The following HK3 variants were observed in gnomAD, a reference collection of about 807,000 sequenced individuals.
HK3 encodes hexokinase 3, also known as hexokinase-3.
Under a neutral mutation model 91.0 loss-of-function variants are expected in HK3, and 93 were observed. The observed-to-expected ratio is 1.02, with a 90% CI of 0.86 to 1.21. The LOEUF (loss-of-function observed/expected upper bound fraction) is 1.21. HK3 is among the 50% of genes most tolerant of loss of function. HK3 has a pLI of 0.00. For synonymous variants in HK3, 519 were observed against 516.9 expected (o/e 1.00, Z -0.06); for missense variants, 1,235 against 1,247.4 (o/e 0.99, Z 0.15).
At position 176,887,401 on chromosome 5, in the gene HK3, G is replaced by T. The variant is rs749486570; in HGVS notation, c.1600+50C>A. On this transcript the variant is annotated intron_variant, in intron 11 of 18. Transcript: ENST00000292432. This position sits in a 1 kb window ranked among gnomAD's most constrained non-coding sequence, Gnocchi z 4.9. The stretch of plus-strand genomic sequence containing the variant: ...GTGGCTCCAGCCCCAGCACACACTG[G>T]GACCCCCAGGAGCCCATGTTTCGGT... 5.6e-6 allele frequency: 9 copies of T among 1,613,044 alleles called. 1 individual carries two copies. The South Asian group carries it at 8.8e-5, about 16-fold the overall frequency.
At chr5:176,882,782 C>T (rs949706965) in intron 15 of HK3, among the ~76,000 whole-genome samples, 3 of 152,186 alleles carry the variant, frequency 2.0e-5, no homozygotes, top group Non-Finnish European at 4.4e-5. Context: ...GAGGGCGTCT[C>T]CTTCCTTTCT....
intron 1 of HK3, 98 bp from the exon 2 acceptor site, chr5:176,896,283 G>GTTTTTT: frequency 1.8e-6 from 1 of 550,656 alleles, no homozygotes; most frequent in Non-Finnish European, 3.2e-6. Context: ...AGGGGACCAG[G>GTTTTTT]AAGGAAGCTG....
At chr5:176,898,304 G>A (rs926356562) in intron 1 of HK3, among the ~76,000 whole-genome samples, 3 of 152,196 alleles carry the variant, frequency 2.0e-5, no homozygotes, top group African/African-American at 7.2e-5. Flanking sequence ...CAAGGGGAGT[G>A]GGTAGTTTTT....
In HK3 at chr5:176,890,877, C is replaced by A. The variant is rs1489665673; in HGVS notation, c.479G>T (p.Gly160Val). 1.6e-5 allele frequency: 26 copies of A among 1,614,120 alleles called. No individual in the cohort carries two copies. Among genetic ancestry groups the A allele is most frequent in the Non-Finnish European group, 2.1e-5 (25 of 1,180,040 alleles). ...FLDAQPVNKQGLQLGFSFSFP... is the reference protein window; with the variant it reads ...FLDAQPVNKQVLQLGFSFSFP... Reference sequence around the variant, plus strand: ...AGAGAAGCTGAAGCCAAGCTGCAGACCCTGTTTGTTCACAGGCTGCGCATC... The same window carrying A: ...AGAGAAGCTGAAGCCAAGCTGCAGAACCTGTTTGTTCACAGGCTGCGCATC... Residue 160 changes from glycine (G) to valine (V), a missense_variant, in exon 5 of 19, where the codon GGT becomes GTT. Gly to Val is a moderately radical substitution (Grantham distance 109). This residue lies in a region of HK3 where 717 missense variants were observed against 751.6 expected (regional missense o/e 0.95). Coordinates refer to ENST00000292432, the MANE Select transcript of HK3 (RefSeq NM_002115.3).
rs764987916 is a variant in HK3, at chr5:176,889,541, T to C, written c.754A>G (p.Met252Val). 2 of 1,614,150 alleles carry C rather than the reference T, an allele frequency of 1.2e-6. No homozygotes were observed. Among genetic ancestry groups the C allele is most frequent in the African/African-American group, 1.3e-5 (1 of 75,064 alleles). The change falls in exon 8 of 19, where the codon ATG becomes GTG. Residue 252 changes from methionine to valine, a missense_variant. This residue lies in a region of HK3 where 717 missense variants were observed against 751.6 expected (regional missense o/e 0.95). Coordinates refer to ENST00000292432, the MANE Select transcript of HK3 (RefSeq NM_002115.3). ...VVDTGTNACY[M>V]EEARHVAVLD... ...ACTGCCACATGCCGTGCCTCCTCCA[T>C]GTAACACGCGTTGGTGCCCGTGTCT...
chr5:176,881,454 C>G lies in HK3; in HGVS notation c.2475G>C (p.Val825=). 1.2e-6 allele frequency: 2 copies of G among 1,610,048 alleles called. No individual in the cohort carries two copies. Among genetic ancestry groups the G allele is most frequent in the Middle Eastern group, 3.3e-4 (2 of 6,062 alleles). ...LPLTSDDALM[V]LEVCQAVSQR... ...GGGACACAGCCTGGCACACCTCTAGCACCATCAGGGCGTCATCTGAGGTCA... is the reference window on the plus strand; with the variant it reads ...GGGACACAGCCTGGCACACCTCTAGGACCATCAGGGCGTCATCTGAGGTCA... The change falls in exon 18 of 19, where the codon GTG becomes GTC. Residue 825 remains valine, a synonymous_variant. Transcript: ENST00000292432.
Position 176,887,058 on chromosome 5 carries a change from T to C in HK3, c.1801A>G (p.Ser601Gly), listed in dbSNP as rs1184855059. The C allele has an allele frequency of 6.2e-7, 1 of 1,614,074 alleles. No homozygotes were observed. Among genetic ancestry groups the C allele is most frequent in the Non-Finnish European group, 8.5e-7 (1 of 1,180,042 alleles). ...GAGAAGGTAAAACCCAGTGGGAGGC[T>C]CTGCCCGCTCAGGCCCTGCTTCTGC... ...FQQKQGLSGQ[S>G]LPLGFTFSFP... The change falls in exon 13 of 19, where the codon AGC (serine) becomes GGC (glycine). Residue 601 changes from serine to glycine, a missense_variant. Around this residue, in one of 3 missense-constraint regions of HK3, gnomAD observed 513 missense variants for 477.4 expected, o/e 1.07. Coordinates refer to ENST00000292432, the MANE Select transcript of HK3 (RefSeq NM_002115.3). The surrounding 1 kb of genome is among the most constrained non-coding windows in gnomAD (Gnocchi z 4.9).
At position 176,881,198 on chromosome 5, in the gene HK3, C is replaced by T. The variant is rs925094118; in HGVS notation, c.2647G>A (p.Ala883Thr). The T allele has an allele frequency of 1.2e-6, 2 of 1,613,148 alleles. No homozygotes were observed. Among genetic ancestry groups the T allele is most frequent in the Non-Finnish European group, 8.5e-7 (1 of 1,179,936 alleles). The change falls in exon 19 of 19, where the codon GCC (alanine) becomes ACC (threonine). Residue 883 changes from alanine (A) to threonine (T), a missense_variant. Transcript: ENST00000292432. ...CGAGGGGCCAGCTCCCGCACTGTGGCCGCCACCAGGCTGGAGAAGCTGTGA... is the reference window on the plus strand; with the variant it reads ...CGAGGGGCCAGCTCCCGCACTGTGGTCGCCACCAGGCTGGAGAAGCTGTGA... Reference protein sequence around the residue: ...LHPRFSSLVAATVRELAPRCV... With the variant: ...LHPRFSSLVATTVRELAPRCV...
rs755973686 is a variant in HK3, at chr5:176,883,911, C to T, written c.1954-42G>A. 4.8e-5 allele frequency: 77 copies of T among 1,599,564 alleles called. No homozygotes were observed. The Middle Eastern group carries it at 8.2e-4, about 17-fold the overall frequency. On this transcript the variant is annotated intron_variant, in intron 14 of 18. Transcript: ENST00000292432. ...GCTGCTAGTTGCTGGGCAACGCGGTCGTCACAGCAACCAGCACTGGACCCA... is the reference window on the plus strand; with the variant it reads ...GCTGCTAGTTGCTGGGCAACGCGGTTGTCACAGCAACCAGCACTGGACCCA...
chr5:176,895,752 C>T (rs964607486), intron 2 of HK3, among the ~76,000 whole-genome samples: 9 of 152,148 alleles, frequency 5.9e-5, no homozygotes, highest in South Asian at 2.1e-4. Context: ...CCACTTGGGG[C>T]GGGAGCGGCA....
intron 2 of HK3, among the ~76,000 whole-genome samples, chr5:176,895,764 CT>C (rs781105838): frequency 1.3e-5 from 2 of 152,176 alleles, no homozygotes; most frequent in Non-Finnish European, 2.9e-5. Context: ...GGAGCGGCAC[CT>C]GTGTGGCAAG....
At chr5:176,892,056 T>C (rs1758791801) in intron 2 of HK3, among the ~76,000 whole-genome samples, 1 of 152,168 alleles carries the variant, frequency 6.6e-6, no homozygotes, top group South Asian at 2.1e-4. Flanking sequence ...TGGTCCTTTT[T>C]TCAGTCAGTC....
intron 2 of HK3, among the ~76,000 whole-genome samples, chr5:176,893,035 T>G (rs1758817093): frequency 6.6e-6 from 1 of 152,160 alleles, no homozygotes; most frequent in African/African-American, 2.4e-5. Context: ...AGACCCTGTT[T>G]GCTCACAGGC....
intron 8 of HK3, 56 bp from the exon 9 acceptor site, chr5:176,888,920 G>A (rs1758682558): frequency 5.7e-6 from 9 of 1,574,290 alleles, no homozygotes; most frequent in Non-Finnish European, 6.9e-6. Flanking sequence ...AGTCCACCTG[G>A]CCCTACCTCC....
intron 13 of HK3, among the ~76,000 whole-genome samples, chr5:176,885,290 G>A (rs1163027105): frequency 1.3e-5 from 2 of 152,316 alleles, no homozygotes; most frequent in East Asian, 3.9e-4. Context: ...CAAAGAGCAG[G>A]GCCCGGGGCA....
Position 176,890,880 on chromosome 5 carries a change from T to G in HK3, c.476A>C (p.Gln159Pro), listed in dbSNP as rs1445073929. 8 of 1,614,098 alleles carry G rather than the reference T, an allele frequency of 5.0e-6. No homozygotes were observed. The African/African-American group carries it at 5.3e-5, about 11-fold the overall frequency. The change falls in exon 5 of 19, where the codon CAG becomes CCG. Residue 159 changes from glutamine to proline, a missense_variant. Gln to Pro is a moderately conservative substitution (Grantham distance 76, BLOSUM62 -1). Transcript: ENST00000292432. The part of the protein sequence containing the change: ...EFLDAQPVNK[Q>P]GLQLGFSFSF... ...GAAGCTGAAGCCAAGCTGCAGACCC[T>G]GTTTGTTCACAGGCTGCGCATCCAG... is the stretch of plus-strand genomic sequence containing the variant.
Position 176,881,088 on chromosome 5 carries a change from C to A in HK3, c.2757G>T (p.Gln919His). 3 of 1,605,042 alleles carry A rather than the reference C, an allele frequency of 1.9e-6. No homozygotes were observed. The highest frequency in any genetic ancestry group is 2.6e-6 in the Non-Finnish European group (3 of 1,175,770). The change falls in exon 19 of 19, where the codon CAG (glutamine) becomes CAT (histidine). Residue 919 changes from glutamine (Q) to histidine (H), a missense_variant. Gln to His is a conservative substitution (Grantham distance 24, BLOSUM62 0). This residue lies in a region of HK3 where 513 missense variants were observed against 477.4 expected (regional missense o/e 1.07). Transcript: ENST00000292432. The stretch of plus-strand genomic sequence containing the variant: ...GGAGGTTTCCTCAGACACGAGTCAA[C>A]TGCGCAAGGCGGCAGGCAACAGCGG... ...LVTAVACRLA[Q>H]LTRV
Position 176,887,576 on chromosome 5 carries a change from A to G in HK3, c.1475T>C (p.Leu492Ser). 1.2e-6 allele frequency: 2 copies of G among 1,613,894 alleles called. No individual in the cohort carries two copies. The highest frequency in any genetic ancestry group is 2.2e-5 in the South Asian group (2 of 91,080). Residue 492 changes from leucine (L) to serine (S), a missense_variant, in exon 11 of 19, where the codon TTG becomes TCG. By Grantham distance (145) the Leu-to-Ser change is moderately radical. Around this residue, in one of 3 missense-constraint regions of HK3, gnomAD observed 717 missense variants for 751.6 expected, o/e 0.95. Coordinates refer to ENST00000292432, the MANE Select transcript of HK3 (RefSeq NM_002115.3). This position sits in a 1 kb window ranked among gnomAD's most constrained non-coding sequence, Gnocchi z 4.9. ...AACCGCAGCCAGTTGATCATGGTTC[A>G]ACCGGAATGGGGCCAGGGTCTCCTC... ...LLEETLAPFR[L>S]NHDQLAAVQA...
chr5:176,893,383 T>C (rs1321531300), intron 2 of HK3, among the ~76,000 whole-genome samples: 1 of 152,194 alleles, frequency 6.6e-6, no homozygotes, highest in Non-Finnish European at 1.5e-5. Context: ...GTCCTCGCAC[T>C]CCCTTTTTCT....
Sources: gnomAD v4.1 joint callset for allele counts (sites outside exome capture counted in the v4.1 genomes callset) on GRCh38, gnomAD v4.1.1 for gene constraint, gnomAD v4.1.1 regional missense constraint, Gnocchi (gnomAD v3.1) non-coding constraint, MANE v1.5 for transcripts, NCBI Gene and HGNC (gene_info 2026-07-23, HGNC 2026-07-21) for gene names.